PDS5B: variants seen among roughly 807,000 people sequenced by gnomAD.
The protein encoded by PDS5B is sister chromatid cohesion protein PDS5 homolog B.
Under a neutral mutation model 184.1 loss-of-function variants are expected in PDS5B, and 51 were observed. That is an observed-to-expected ratio of 0.28 (90% CI 0.22 to 0.35). The LOEUF (loss-of-function observed/expected upper bound fraction) is 0.35, where lower values mean the gene tolerates loss of function less well. PDS5B is among the 10% of genes least tolerant of loss of function. The pLI, the probability that PDS5B is intolerant of heterozygous loss-of-function variation, is 1.00. For missense variants in PDS5B, 1,180 were observed against 1,723.3 expected, an observed-to-expected ratio of 0.68 and a Z score of 5.58; for synonymous variants, 566 against 569.2, an observed-to-expected ratio of 0.99 and a Z score of 0.08.
chr13:32,728,522 C>CA (rs371873128), intron 19 of PDS5B, among the ~76,000 whole-genome samples: 9 of 152,290 alleles, frequency 5.9e-5, no homozygotes, highest in African/African-American at 2.2e-4. Flanking sequence ...TAGCAGAGCT[C>CA]ATGCTGCCTT....
chr13:32,601,992 C>T (rs964798909), intron 1 of PDS5B, among the ~76,000 whole-genome samples: 3 of 152,162 alleles, frequency 2.0e-5, no homozygotes, highest in African/African-American at 2.4e-5. Context: ...GTAAATGTAA[C>T]TGTAAGAAGT....
Position 32,755,879 on chromosome 13 carries a change from A to T in PDS5B, c.2979A>T (p.Pro993=). 1 of 1,561,132 alleles carries T rather than the reference A, an allele frequency of 6.4e-7. No homozygotes were observed. The highest frequency in any genetic ancestry group is 8.8e-7 in the Non-Finnish European group (1 of 1,138,608). The change falls in exon 26 of 35, where the codon CCA becomes CCT. Residue 993 remains proline, a synonymous_variant. Transcript: ENST00000315596. ...LLSLLPEYVV[P]YTIHLLAHDP... The stretch of plus-strand genomic sequence containing the variant: ...CTCTTCTACCAGAGTATGTTGTTCC[A>T]TATACAATTCACCTTTTGGCACATG...
At chr13:32,683,747 G>T (rs1951312923) in intron 10 of PDS5B, 131 bp from the exon 11 acceptor site, 5 of 567,196 alleles carry the variant, frequency 8.8e-6, no homozygotes, top group Non-Finnish European at 1.5e-5. Flanking sequence ...CTTTCTTTCT[G>T]GGCTCTTAAT....
At chr13:32,638,867 T>TAC (rs2058610406) in intron 1 of PDS5B, among the ~76,000 whole-genome samples, 2 of 151,926 alleles carry the variant, frequency 1.3e-5, no homozygotes, top group Admixed American at 1.3e-4. Context: ...GGTGCAAATG[T>TAC]ACATAGGCAT....
rs141290900 is a variant in PDS5B, at chr13:32,667,683, C to A, written c.625-81C>A. 316 of 777,972 alleles carry A rather than the reference C, an allele frequency of 4.1e-4. No homozygotes were observed. The African/African-American group carries it at 5.1e-3, about 13-fold the overall frequency. The allele number at this position is 777,972 out of a possible 1,614,324, so 48.2% of individuals were successfully genotyped here. A position where few individuals can be genotyped will look rare whatever the true frequency, so the allele number is the denominator to read the frequency against. On this transcript the variant is annotated intron_variant, in intron 6 of 34. Transcript: ENST00000315596. ...GTCTTAGTTTTTTCATTCATTTACT[C>A]AAGTAGCATTTTGAATACAGGTAAT...
intron 19 of PDS5B, among the ~76,000 whole-genome samples, chr13:32,713,827 G>A (rs915588833): frequency 2.0e-5 from 3 of 152,142 alleles, no homozygotes; most frequent in African/African-American, 7.2e-5. Flanking sequence ...ATATACTGGT[G>A]CAGTTTGCTA....
In PDS5B at chr13:32,753,233, C is replaced by T. The variant is rs1593607198; in HGVS notation, c.2737-99C>T. 3.5e-6 allele frequency: 3 copies of T among 847,524 alleles called. No homozygotes were observed. The East Asian group carries it at 7.5e-5, about 21-fold the overall frequency. 52.5% of individuals were successfully genotyped at this position (847,524 alleles called of 1,614,324 possible). A position where few individuals can be genotyped will look rare whatever the true frequency, so the allele number is the denominator to read the frequency against. On this transcript the variant is annotated intron_variant, in intron 24 of 34. Transcript: ENST00000315596. ...GAAGCAATTATTGTAGATAAACTTGCTACTGTTTACTCTTTACTTAAAATA... is the reference window on the plus strand; with the variant it reads ...GAAGCAATTATTGTAGATAAACTTGTTACTGTTTACTCTTTACTTAAAATA...
At chr13:32,661,475 A>G (rs1241730854) in intron 6 of PDS5B, among the ~76,000 whole-genome samples, 1 of 151,716 alleles carries the variant, frequency 6.6e-6, no homozygotes, top group African/African-American at 2.4e-5. Context: ...TGTAAAACAT[A>G]TTTAGAGAAC....
At chr13:32,707,549 C>T (rs983373876) in intron 18 of PDS5B, among the ~76,000 whole-genome samples, 1 of 146,550 alleles carries the variant, frequency 6.8e-6, no homozygotes. Context: ...ATTTTGTATC[C>T]TTAACTATTT....
At chr13:32,771,101 A>G (rs1045675453) in intron 33 of PDS5B, 1 of 184,700 alleles carries the variant, frequency 5.4e-6, no homozygotes, top group Non-Finnish European at 1.1e-5. Context: ...TTTTTTTTAA[A>G]TGTTTCTCAT....
intron 1 of PDS5B, among the ~76,000 whole-genome samples, chr13:32,627,898 A>G (rs1017471910): frequency 2.6e-5 from 4 of 152,106 alleles, no homozygotes; most frequent in African/African-American, 9.7e-5. Flanking sequence ...TAGTGGGGAG[A>G]AGGAGGAGGA....
At position 32,770,544 on chromosome 13, in the gene PDS5B, A is replaced by G; in HGVS notation, c.4048A>G (p.Arg1350Gly). The change falls in exon 32 of 35, where the codon AGG becomes GGG. Residue 1350 changes from arginine to glycine, a missense_variant. By Grantham distance (125) the Arg-to-Gly change is moderately radical (BLOSUM62 -2). Transcript: ENST00000315596. Reference protein sequence around the residue: ...KSKSKQHRVSRRAQQRAESPE... With the variant: ...KSKSKQHRVSGRAQQRAESPE... ...CAAAAGCAAACAGCACCGAGTGTCAAGGAGAGCACAGCAGAGGTAAGCATG... is the reference window on the plus strand; with the variant it reads ...CAAAAGCAAACAGCACCGAGTGTCAGGGAGAGCACAGCAGAGGTAAGCATG... 6.2e-7 allele frequency: 1 copy of G among 1,607,728 alleles called. No homozygotes were observed. The highest frequency in any genetic ancestry group is 8.5e-7 in the Non-Finnish European group (1 of 1,178,418).
chr13:32,603,779 C>G (rs1438390956), intron 1 of PDS5B, among the ~76,000 whole-genome samples: 1 of 152,150 alleles, frequency 6.6e-6, no homozygotes, highest in Admixed American at 6.5e-5. Flanking sequence ...GTTTGTAGTT[C>G]TCTTTGAAGA....
At chr13:32,741,617 C>T (rs528584703) in intron 22 of PDS5B, among the ~76,000 whole-genome samples, 3 of 151,774 alleles carry the variant, frequency 2.0e-5, no homozygotes, top group East Asian at 1.9e-4. Context: ...CATGTCAATC[C>T]ACTACCAAGA....
intron 7 of PDS5B, among the ~76,000 whole-genome samples, chr13:32,671,934 G>A (rs1950948488): frequency 6.6e-6 from 1 of 152,132 alleles, no homozygotes; most frequent in Non-Finnish European, 1.5e-5. Context: ...TATGTTTTTG[G>A]AAGATTTTAT....
chr13:32,677,312 G>A (rs1004987144), intron 9 of PDS5B, among the ~76,000 whole-genome samples: 2 of 151,840 alleles, frequency 1.3e-5, no homozygotes, highest in African/African-American at 4.8e-5. Flanking sequence ...TACTTTTACT[G>A]TATATATATT....
intron 24 of PDS5B, among the ~76,000 whole-genome samples, chr13:32,747,955 C>T (rs1270750116): frequency 6.6e-6 from 1 of 152,202 alleles, no homozygotes; most frequent in Non-Finnish European, 1.5e-5. Flanking sequence ...TTACTGACTT[C>T]TAAGGACTTC....
intron 21 of PDS5B, among the ~76,000 whole-genome samples, chr13:32,739,443 A>T (rs950866123): frequency 7.9e-5 from 12 of 152,174 alleles, no homozygotes; most frequent in Non-Finnish European, 1.6e-4. Flanking sequence ...TTTTAAGATT[A>T]TGTTTTATGT....
At chr13:32,685,546 T>C (rs1290394438) in intron 11 of PDS5B, among the ~76,000 whole-genome samples, 1 of 152,194 alleles carries the variant, frequency 6.6e-6, no homozygotes, top group African/African-American at 2.4e-5. Context: ...TTGGTAATAT[T>C]AGAATATGAT....
Sources: allele counts gnomAD v4.1 joint callset (sites outside exome capture counted in the v4.1 genomes callset), GRCh38; gene constraint gnomAD v4.1.1; transcripts MANE v1.5; gene names NCBI Gene and HGNC (gene_info 2026-07-23, HGNC 2026-07-21).